Variants in CDH13 observed in about 807,000 individuals in gnomAD.
The protein encoded by CDH13 is cadherin 13, also known as cadherin-13.
CDH13 carries 24 observed loss-of-function variants against 63.8 expected under a neutral mutation model. That is an observed-to-expected ratio of 0.38 (90% CI 0.27 to 0.53). CDH13 has a LOEUF of 0.53. Ranked by LOEUF, CDH13 falls within the 20% of genes least tolerant of loss-of-function variation. The pLI is 0.85. For missense variants in CDH13, 1,049 were observed against 903.1 expected, an observed-to-expected ratio of 1.16 and a Z score of -2.07; for synonymous variants, 503 against 355.3, an observed-to-expected ratio of 1.42 and a Z score of -4.67.
chr16:82,891,382 G>T (rs1355360710), intron 2 of CDH13, among the ~76,000 whole-genome samples: 1 of 152,094 alleles, frequency 6.6e-6, no homozygotes, highest in Non-Finnish European at 1.5e-5. Flanking sequence ...CTGGAGTTGG[G>T]CATCTCTTCA....
intron 2 of CDH13, among the ~76,000 whole-genome samples, chr16:82,876,925 C>A (rs2040525667): frequency 6.6e-6 from 1 of 152,202 alleles, no homozygotes; most frequent in African/African-American, 2.4e-5. Context: ...GGAACTATCT[C>A]AAGCGTCATT....
At chr16:83,568,057 G>A (rs758851390) in intron 7 of CDH13, among the ~76,000 whole-genome samples, 5 of 152,166 alleles carry the variant, frequency 3.3e-5, no homozygotes, top group African/African-American at 9.6e-5. Context: ...GGCAGGATGC[G>A]CACCAACTGT....
At chr16:83,522,591 G>C (rs550888509) in intron 7 of CDH13, among the ~76,000 whole-genome samples, 1 of 152,086 alleles carries the variant, frequency 6.6e-6, no homozygotes, top group Non-Finnish European at 1.5e-5. Context: ...GTTTTATACC[G>C]TTCTATAAAT....
chr16:83,287,373 G>C (rs1206038248), intron 5 of CDH13, among the ~76,000 whole-genome samples: 3 of 152,330 alleles, frequency 2.0e-5, no homozygotes, highest in African/African-American at 7.2e-5. Context: ...CTGCCCAGCA[G>C]GAGGTAAGTA....
At chr16:83,633,626 G>T (rs955785236) in intron 8 of CDH13, among the ~76,000 whole-genome samples, 2 of 152,100 alleles carry the variant, frequency 1.3e-5, no homozygotes, top group South Asian at 2.1e-4. Context: ...AGAGAAAATG[G>T]TATCTTCCTG....
chr16:82,967,012 C>A (rs927557184), intron 2 of CDH13, among the ~76,000 whole-genome samples: 7 of 152,144 alleles, frequency 4.6e-5, no homozygotes, highest in Non-Finnish European at 1.0e-4. Flanking sequence ...TGCCTCAGAT[C>A]TCATGTCTCT....
chr16:83,622,689 A>G (rs1320266834), intron 8 of CDH13, among the ~76,000 whole-genome samples: 3 of 152,238 alleles, frequency 2.0e-5, no homozygotes, highest in African/African-American at 7.2e-5. Context: ...CTCTCGCTAC[A>G]TAACAATTTT....
At chr16:83,141,774 T>A (rs1268484506) in intron 4 of CDH13, among the ~76,000 whole-genome samples, 1 of 152,194 alleles carries the variant, frequency 6.6e-6, no homozygotes, top group Non-Finnish European at 1.5e-5. Context: ...GGCATTTGGT[T>A]TTCTGTTCTG....
intron 1 of CDH13, among the ~76,000 whole-genome samples, chr16:82,733,683 A>C (rs1200776636): frequency 6.6e-6 from 1 of 152,176 alleles, no homozygotes; most frequent in Non-Finnish European, 1.5e-5. Context: ...CTGGGGTTTA[A>C]ATCTCCAGGG....
intron 11 of CDH13, chr16:83,773,027 G>T (rs1914861218): frequency 6.6e-6 from 1 of 152,236 alleles, no homozygotes; most frequent in Admixed American, 6.5e-5. Flanking sequence ...TTGTGGGGAG[G>T]TTGGTCCATG....
chr16:82,823,186 T>C (rs1353944720), intron 1 of CDH13: 1 of 152,238 alleles, frequency 6.6e-6, no homozygotes, highest in African/African-American at 2.4e-5. Context: ...GTGTCACCTT[T>C]GCCACATTTC....
chr16:83,405,257 T>A (rs2092024783), intron 6 of CDH13, among the ~76,000 whole-genome samples: 1 of 152,142 alleles, frequency 6.6e-6, no homozygotes, highest in Non-Finnish European at 1.5e-5. Flanking sequence ...AAAAAGCTTA[T>A]CCCCCATCCC....
intron 1 of CDH13, among the ~76,000 whole-genome samples, chr16:82,841,121 G>A (rs1303070386): frequency 6.6e-6 from 1 of 152,224 alleles, no homozygotes. Context: ...CCATCAGGAG[G>A]TCAACCTTAC....
rs190182719 is a variant in CDH13, at chr16:83,223,393, C to T, written c.636+5896C>T. On this transcript the variant is annotated intron_variant, in intron 5 of 13. Coordinates refer to ENST00000567109, the MANE Select transcript of CDH13 (RefSeq NM_001257.5). ...CAAACCTACCCATGAGGGTGGAACACGCATGCTCTAATCACCTCTAAAGGG... is the reference window on the plus strand; with the variant it reads ...CAAACCTACCCATGAGGGTGGAACATGCATGCTCTAATCACCTCTAAAGGG... 1.9e-4 allele frequency among the ~76,000 whole-genome samples: 29 copies of T among 152,360 alleles called. No homozygotes were observed. In the East Asian group the frequency reaches 2.5e-3, roughly 13 times the overall value.
intron 7 of CDH13, among the ~76,000 whole-genome samples, chr16:83,571,409 GA>G (rs935800775): frequency 1.3e-5 from 2 of 150,746 alleles, no homozygotes; most frequent in Admixed American, 6.6e-5. Flanking sequence ...TTCTTTAAAA[GA>G]AAAAAAAACT....
At chr16:82,686,331 C>A (rs918318887) in intron 1 of CDH13, among the ~76,000 whole-genome samples, 2 of 152,154 alleles carry the variant, frequency 1.3e-5, no homozygotes, top group Non-Finnish European at 2.9e-5. Context: ...CTGCGGAGAG[C>A]CATGAGAGAC....
At chr16:83,051,259 C>A (rs1245643048) in intron 3 of CDH13, among the ~76,000 whole-genome samples, 1 of 152,152 alleles carries the variant, frequency 6.6e-6, no homozygotes, top group Non-Finnish European at 1.5e-5. Flanking sequence ...ATTCTCCTAC[C>A]AAAGTAAGCT....
chr16:83,287,483 A>G (rs948534151), intron 5 of CDH13, among the ~76,000 whole-genome samples: 1 of 152,204 alleles, frequency 6.6e-6, no homozygotes, highest in African/African-American at 2.4e-5. Context: ...CAGGGGCAGC[A>G]TTAGATTCTC....
chr16:83,558,467 G>A (rs1217796839), intron 7 of CDH13, among the ~76,000 whole-genome samples: 1 of 152,176 alleles, frequency 6.6e-6, no homozygotes, highest in Non-Finnish European at 1.5e-5. Flanking sequence ...AGTATCACTG[G>A]TGCCTTATGC....
Sources: gnomAD v4.1 joint callset for allele counts (sites outside exome capture counted in the v4.1 genomes callset) on GRCh38, gnomAD v4.1.1 for gene constraint, MANE v1.5 for transcripts, NCBI Gene and HGNC (gene_info 2026-07-23, HGNC 2026-07-21) for gene names.